The following FBLN2 variants were observed in gnomAD, a reference collection of about 807,000 sequenced individuals.
FBLN2 encodes the protein fibulin 2.
In FBLN2, 81 loss-of-function variants were observed where a neutral mutation model predicts 123.7. The ratio of observed to expected loss-of-function variants is 0.65; its 90% CI spans 0.55 to 0.79. The LOEUF (loss-of-function observed/expected upper bound fraction) is 0.79. Among genes scored for constraint, FBLN2 ranks in the 30% least tolerant of loss-of-function variants. The pLI is 0.00. For synonymous variants in FBLN2, 699 were observed against 701.4 expected (o/e 1.00, Z 0.05); for missense variants, 1,603 against 1,681.3 (o/e 0.95, Z 0.81).
At chr3:13,613,781 T>C in intron 4 of FBLN2, 1 of 508,114 alleles carries the variant, frequency 2.0e-6, no homozygotes, top group Non-Finnish European at 3.4e-6. Flanking sequence ...TTACTTGTTA[T>C]CTGTTTCAAA....
chr3:13,586,442 C>G (rs1048024026), intron 2 of FBLN2, among the ~76,000 whole-genome samples: 17 of 150,150 alleles, frequency 1.1e-4, no homozygotes, highest in Non-Finnish European at 2.2e-4. Flanking sequence ...CTAGGCCTCT[C>G]AAAGGGTTGG....
At chr3:13,607,366 A>C (rs1705242173) in intron 2 of FBLN2, among the ~76,000 whole-genome samples, 1 of 152,224 alleles carries the variant, frequency 6.6e-6, no homozygotes, top group African/African-American at 2.4e-5. Flanking sequence ...TTTACTATTC[A>C]TGCAGTGGAA....
At chr3:13,603,505 C>G (rs955532742) in intron 2 of FBLN2, among the ~76,000 whole-genome samples, 2 of 150,710 alleles carry the variant, frequency 1.3e-5, no homozygotes, top group Admixed American at 6.7e-5. Flanking sequence ...TCTGTCCTTG[C>G]AATAATTTGC....
At chr3:13,575,894 T>C (rs1185268071) in intron 2 of FBLN2, among the ~76,000 whole-genome samples, 6 of 152,168 alleles carry the variant, frequency 3.9e-5, no homozygotes, top group Admixed American at 1.3e-4. Flanking sequence ...CTGGTGCTGC[T>C]AGCCACACCT....
intron 2 of FBLN2, among the ~76,000 whole-genome samples, chr3:13,591,823 G>T (rs1456629772): frequency 6.6e-6 from 1 of 152,000 alleles, no homozygotes; most frequent in East Asian, 1.9e-4. Flanking sequence ...TACACATTTA[G>T]CTCCTTAGTG....
intron 4 of FBLN2, 50 bp downstream of exon 4, chr3:13,609,692 G>GGGC: frequency 2.8e-5 from 14 of 508,392 alleles, no homozygotes; most frequent in Non-Finnish European, 4.9e-5. Context: ...GGCGGGGCGG[G>GGGC]AGGCTGGCCT....
chr3:13,609,688 G>GGGGCCCC, intron 4 of FBLN2, 46 bp downstream of exon 4: 2 of 512,602 alleles, frequency 3.9e-6, no homozygotes, highest in Non-Finnish European at 7.2e-6. Flanking sequence ...GTGGGGCGGG[G>GGGGCCCC]CGGGAGGCTG....
intron 2 of FBLN2, among the ~76,000 whole-genome samples, chr3:13,592,031 T>A (rs918990404): frequency 4.0e-5 from 6 of 150,418 alleles, no homozygotes; most frequent in South Asian, 4.2e-4. Context: ...TTTTTTTTTT[T>A]TTTTTTATTT....
At chr3:13,598,984 G>A (rs147500315) in intron 2 of FBLN2, among the ~76,000 whole-genome samples, 3 of 152,360 alleles carry the variant, frequency 2.0e-5, no homozygotes, top group Non-Finnish European at 4.4e-5. Context: ...ATCCTAGCAT[G>A]GAACAGCGTG....
At chr3:13,624,821 A>C (rs1220972015) in intron 9 of FBLN2, among the ~76,000 whole-genome samples, 1 of 152,262 alleles carries the variant, frequency 6.6e-6, no homozygotes, top group Non-Finnish European at 1.5e-5. Flanking sequence ...ATGGATAAGC[A>C]GGGGACTAGT....
rs377590003 is a variant in FBLN2, at chr3:13,551,805, G to T, written c.-42+2597G>T. Among the ~76,000 whole-genome samples, 18 of 151,352 alleles carry T rather than the reference G, an allele frequency of 1.2e-4. No individual in the cohort carries two copies. The South Asian group carries it at 3.6e-3, about 30-fold the overall frequency. ...TCCGCCCGCCTCAGTCTCCCAAAGT[G>T]CTGGGATTACAGGTGTGAGCCACCG... On this transcript the variant is annotated intron_variant, in intron 1 of 17. Coordinates refer to ENST00000404922, the MANE Select transcript of FBLN2 (RefSeq NM_001004019.2).
chr3:13,611,777 A>G (rs1312947680), intron 4 of FBLN2, among the ~76,000 whole-genome samples: 1 of 152,182 alleles, frequency 6.6e-6, no homozygotes, highest in East Asian at 1.9e-4. Context: ...TTGAGGGCAG[A>G]CTGTAGTTCT....
intron 8 of FBLN2, 134 bp from the exon 9 acceptor site, chr3:13,621,641 C>T: frequency 1.1e-6 from 1 of 888,690 alleles, no homozygotes; most frequent in Non-Finnish European, 1.7e-6. Flanking sequence ...GGCCCAGCTA[C>T]ACACAGTCAG....
chr3:13,560,587 T>C (rs953611611), intron 1 of FBLN2, among the ~76,000 whole-genome samples: 1 of 152,224 alleles, frequency 6.6e-6, no homozygotes. Context: ...GCCAAGCTTC[T>C]GGTCTTTTGC....
intron 10 of FBLN2, 86 bp downstream of exon 10, chr3:13,626,665 C>A: frequency 7.2e-7 from 1 of 1,391,568 alleles, no homozygotes; most frequent in Non-Finnish European, 9.7e-7. Context: ...CCCTGTCCTG[C>A]CCTGGCCACC....
intron 1 of FBLN2, among the ~76,000 whole-genome samples, 158 bp from the exon 2 acceptor site, chr3:13,570,157 C>CTG (rs149840169): frequency 4.6e-5 from 7 of 152,050 alleles, no homozygotes; most frequent in African/African-American, 7.2e-5. Context: ...GTGGCGGAGC[C>CTG]TGTGTGTGTG....
chr3:13,560,154 T>G (rs1703566362), intron 1 of FBLN2, among the ~76,000 whole-genome samples: 2 of 152,194 alleles, frequency 1.3e-5, no homozygotes, highest in South Asian at 4.1e-4. Flanking sequence ...TTCACGTGCT[T>G]ATGTTGGTAA....
chr3:13,604,346 C>G (rs916605353), intron 2 of FBLN2, among the ~76,000 whole-genome samples: 10 of 152,080 alleles, frequency 6.6e-5, no homozygotes, highest in Admixed American at 3.9e-4. Context: ...AGGTTTTCTT[C>G]TAGGGTTTTT....
intron 2 of FBLN2, among the ~76,000 whole-genome samples, chr3:13,593,748 C>T (rs1395427054): frequency 6.7e-6 from 1 of 149,402 alleles, no homozygotes; most frequent in Non-Finnish European, 1.5e-5. Flanking sequence ...AGATAATTGC[C>T]CCTAGCCTGC....
Sources: allele counts gnomAD v4.1 joint callset (sites outside exome capture counted in the v4.1 genomes callset), GRCh38; gene constraint gnomAD v4.1.1; transcripts MANE v1.5; gene names NCBI Gene and HGNC (gene_info 2026-07-23, HGNC 2026-07-21).